The following WDR12 variants were observed in gnomAD, a reference collection of about 807,000 sequenced individuals.
WDR12 encodes the protein WD repeat domain 12, also known as ribosome biogenesis protein WDR12.
In WDR12, 42 loss-of-function variants were observed where a neutral mutation model predicts 64.3. The ratio of observed to expected loss-of-function variants is 0.65; its 90% CI spans 0.51 to 0.84. The LOEUF is 0.84. WDR12 is among the 40% of genes least tolerant of loss of function. The pLI is 0.00. For synonymous variants in WDR12, 158 were observed against 173.3 expected (o/e 0.91, Z 0.70); for missense variants, 469 against 494.6 (o/e 0.95, Z 0.49).
intron 1 of WDR12, among the ~76,000 whole-genome samples, chr2:202,908,555 T>C (rs1435883790): frequency 6.6e-6 from 1 of 151,970 alleles, no homozygotes; most frequent in African/African-American, 2.4e-5. Flanking sequence ...TAGCTAGGAG[T>C]TGTTAAACTG....
Position 202,907,940 on chromosome 2 carries a change from G to C in WDR12, c.61C>G (p.Pro21Ala), listed in dbSNP as rs1229857759. The change falls in exon 2 of 13, where the codon CCC (proline) becomes GCC (alanine). Residue 21 changes from proline (P) to alanine (A), a missense_variant. Transcript: ENST00000261015. The stretch of plus-strand genomic sequence containing the variant: ...TCAGAGGCAGCAGGGATTGAGAAGG[G>C]AACATCATCTACGGCATATCTATAA... ...DNKKYAVDDV[P>A]FSIPAASEIA... The C allele has an allele frequency of 6.2e-7, 1 of 1,613,826 alleles. No individual in the cohort carries two copies. Among genetic ancestry groups the C allele is most frequent in the Non-Finnish European group, 8.5e-7 (1 of 1,179,916 alleles).
At chr2:202,881,815 T>A (rs1013112489) in intron 12 of WDR12, among the ~76,000 whole-genome samples, 1 of 151,810 alleles carries the variant, frequency 6.6e-6, no homozygotes, top group Non-Finnish European at 1.5e-5. Context: ...ACCGCACCAC[T>A]AACATTCCAG....
Position 202,884,494 on chromosome 2 carries a change from G to A in WDR12, c.783C>T (p.Ser261=), listed in dbSNP as rs749934570. ...VTLSGHMEAV[S]SVLWSDAEEI... Reference sequence around the variant, plus strand: ...CTTCAGCATCTGACCACAGAACTGAGGAAACTGCCTCCATGTGGCCAGAGA... The same window carrying A: ...CTTCAGCATCTGACCACAGAACTGAAGAAACTGCCTCCATGTGGCCAGAGA... The change falls in exon 9 of 13, where the codon TCC becomes TCT. Residue 261 remains serine, a synonymous_variant. Transcript: ENST00000261015. 1.9e-6 allele frequency: 3 copies of A among 1,614,158 alleles called. No individual in the cohort carries two copies. Among genetic ancestry groups the A allele is most frequent in the South Asian group, 2.2e-5 (2 of 91,076 alleles).
At position 202,897,397 on chromosome 2, in the gene WDR12, A is replaced by C. The variant is rs1304158431; in HGVS notation, c.357T>G (p.Tyr119Ter). Residue 119 changes from tyrosine to a stop codon, truncating the protein, a stop_gained, in exon 5 of 13, where the codon TAT (tyrosine) becomes TAG (stop). Transcript: ENST00000261015. LOFTEE classifies it high-confidence loss of function. ...GAEEWILTGSYDKTSRIWSLE... is the reference protein window; with the variant it reads ...GAEEWILTGS ...AGGACCAGATCCGAGAAGTCTTATC[A>C]TAAGAACCAGTCAAGATCCTATGAG... 6.3e-7 allele frequency: 1 copy of C among 1,581,208 alleles called. No homozygotes were observed. The highest frequency in any genetic ancestry group is 1.4e-5 in the African/African-American group (1 of 72,734).
At chr2:202,903,731 G>A (rs562507995) in intron 2 of WDR12, among the ~76,000 whole-genome samples, 26 of 152,098 alleles carry the variant, frequency 1.7e-4, no homozygotes, top group Middle Eastern at 3.4e-3. Context: ...CGAACAATCA[G>A]AAAAAGAAAT....
At chr2:202,883,530 G>T in intron 11 of WDR12, 79 bp downstream of exon 11, 1 of 1,447,178 alleles carries the variant, frequency 6.9e-7, no homozygotes. Flanking sequence ...TCTGGTTTTA[G>T]ATAAGAATTT....
At chr2:202,890,457 A>C (rs556411535) in intron 8 of WDR12, among the ~76,000 whole-genome samples, 1 of 152,238 alleles carries the variant, frequency 6.6e-6, no homozygotes, top group East Asian at 1.9e-4. Context: ...TAATTACTTG[A>C]GTATACATAT....
intron 2 of WDR12, among the ~76,000 whole-genome samples, chr2:202,904,798 A>C (rs1475285849): frequency 6.6e-6 from 1 of 152,264 alleles, no homozygotes; most frequent in Non-Finnish European, 1.5e-5. Context: ...ACACAAGCAC[A>C]GGCAATCAAA....
chr2:202,899,705 C>G, intron 3 of WDR12, 68 bp from the exon 4 acceptor site: 1 of 1,382,732 alleles, frequency 7.2e-7, no homozygotes, highest in Non-Finnish European at 1.0e-6. Context: ...ATGAAGATAA[C>G]CCCCAATTTA....
chr2:202,884,506 C>T lies in WDR12; in HGVS notation c.771G>A (p.Met257Ile), dbSNP rs1157336764. 3 of 1,614,136 alleles carry T rather than the reference C, an allele frequency of 1.9e-6. No homozygotes were observed. The South Asian group carries it at 3.3e-5, about 18-fold the overall frequency. ...RTPIVTLSGH[M>I]EAVSSVLWSD... The stretch of plus-strand genomic sequence containing the variant: ...ACCACAGAACTGAGGAAACTGCCTC[C>T]ATGTGGCCAGAGAGGGTCACTATGG... Residue 257 changes from methionine to isoleucine, a missense_variant, in exon 9 of 13, where the codon ATG (methionine) becomes ATA (isoleucine). Physicochemically the swap from Met to Ile is conservative, Grantham distance 10. Transcript: ENST00000261015.
intron 8 of WDR12, among the ~76,000 whole-genome samples, chr2:202,887,677 A>C (rs1197046284): frequency 2.0e-5 from 3 of 151,368 alleles, no homozygotes; most frequent in African/African-American, 7.3e-5. Context: ...TCATGAGGTC[A>C]GGAGATCGAG....
Position 202,880,623 on chromosome 2 carries a change from C to A in WDR12, c.*237G>T. On this transcript the variant is annotated 3_prime_UTR_variant, in exon 13 of 13. Transcript: ENST00000261015. ...AATACCTTTAAAGAGAAATGTAAAA[C>A]TCAGTTTAATTTCAAGTTTGTATAG... 1.3e-5 allele frequency: 3 copies of A among 236,874 alleles called. No homozygotes were observed. The highest frequency in any genetic ancestry group is 8.7e-5 in the East Asian group (1 of 11,506). 14.7% of individuals were successfully genotyped at this position (236,874 alleles called of 1,614,324 possible).
At chr2:202,893,330 G>A (rs545146753) in intron 7 of WDR12, among the ~76,000 whole-genome samples, 6 of 151,842 alleles carry the variant, frequency 4.0e-5, no homozygotes, top group African/African-American at 1.4e-4. Flanking sequence ...ACATTAAAAC[G>A]TTTTGTGGCT....
chr2:202,898,479 G>A (rs962844522), intron 4 of WDR12, among the ~76,000 whole-genome samples: 2 of 152,122 alleles, frequency 1.3e-5, no homozygotes, highest in Admixed American at 6.6e-5. Context: ...TACTTAACCA[G>A]TGAAAACCAT....
chr2:202,903,473 AAGGAAGGAAG>A (rs1688389552), intron 2 of WDR12, among the ~76,000 whole-genome samples: 2 of 111,484 alleles, frequency 1.8e-5, no homozygotes, highest in Non-Finnish European at 4.2e-5. Context: ...GGAAGGAAGG[AAGGAAGGAAG>A]GAAGGAAGGA....
intron 2 of WDR12, among the ~76,000 whole-genome samples, chr2:202,902,410 G>A (rs1688365291): frequency 6.6e-6 from 1 of 152,198 alleles, no homozygotes. Flanking sequence ...GTCTGTGAAG[G>A]TGATGCCAAA....
intron 4 of WDR12, among the ~76,000 whole-genome samples, chr2:202,897,888 C>CAA (rs10637220): frequency 9.4e-5 from 7 of 74,188 alleles, no homozygotes; most frequent in African/African-American, 2.9e-4. Flanking sequence ...GACTCCGTTT[C>CAA]AAAAAAAAAA....
intron 2 of WDR12, among the ~76,000 whole-genome samples, chr2:202,906,896 A>G (rs986218574): frequency 2.0e-5 from 3 of 152,256 alleles, no homozygotes; most frequent in African/African-American, 7.2e-5. Context: ...ATCAATCAAA[A>G]CTACAATGAG....
intron 7 of WDR12, among the ~76,000 whole-genome samples, chr2:202,893,640 C>T (rs1246863415): frequency 6.6e-6 from 1 of 152,166 alleles, no homozygotes; most frequent in Non-Finnish European, 1.5e-5. Flanking sequence ...TGTAACACAG[C>T]AATTACCTAA....
Sources: allele counts gnomAD v4.1 joint callset (sites outside exome capture counted in the v4.1 genomes callset), GRCh38; gene constraint gnomAD v4.1.1; transcripts MANE v1.5; gene names NCBI Gene and HGNC (gene_info 2026-07-23, HGNC 2026-07-21).